Variants in HCK observed in about 807,000 individuals in gnomAD.
HCK encodes HCK proto-oncogene, Src family tyrosine kinase, also known as tyrosine-protein kinase HCK.
In HCK, 40 loss-of-function variants were observed where a neutral mutation model predicts 70.4. The ratio of observed to expected loss-of-function variants is 0.57; its 90% confidence interval spans 0.44 to 0.74. The LOEUF is 0.74. Ranked by LOEUF, HCK falls within the 30% of genes least tolerant of loss-of-function variation. The probability of loss-of-function intolerance (pLI) is 0.00; values close to 1 mark genes in which losing one functional copy is unlikely to be tolerated. For missense variants in HCK, 568 were observed against 697.2 expected, an observed-to-expected ratio of 0.81 and a Z score of 2.09; for synonymous variants, 245 against 263.2, an observed-to-expected ratio of 0.93 and a Z score of 0.67.
intron 5 of HCK, 143 bp downstream of exon 5, chr20:32,074,864 C>A: frequency 1.6e-6 from 1 of 619,798 alleles, no homozygotes; most frequent in Admixed American, 2.6e-5. Flanking sequence ...CCTTCTCTTC[C>A]TTCAGGTTTC....
At chr20:32,064,512 A>G (rs2045428210) in intron 1 of HCK, among the ~76,000 whole-genome samples, 1 of 152,198 alleles carries the variant, frequency 6.6e-6, no homozygotes, top group African/African-American at 2.4e-5. Flanking sequence ...AGAACTTCTA[A>G]TCCAACATCT....
intron 11 of HCK, among the ~76,000 whole-genome samples, chr20:32,094,793 GAAAGAAAGAA>G (rs1210819436): frequency 0.01 from 200 of 19,638 alleles, 4 homozygotes; most frequent in South Asian, 0.034. Context: ...GAAAGAGAAA[GAAAGAAAGAA>G]AGAAAGAAAG....
At chr20:32,061,198 G>A (rs545020716) in intron 1 of HCK, among the ~76,000 whole-genome samples, 6 of 152,206 alleles carry the variant, frequency 3.9e-5, no homozygotes, top group East Asian at 3.9e-4. Flanking sequence ...TGGCCAGGCT[G>A]GTCTTGAACT....
chr20:32,101,654 G>T lies in HCK; in HGVS notation c.*135G>T. 1 of 653,210 alleles carries T rather than the reference G, an allele frequency of 1.5e-6. No individual in the cohort carries two copies. The highest frequency in any genetic ancestry group is 2.6e-6 in the Non-Finnish European group (1 of 384,626). The allele number at this position is 653,210 out of a possible 1,614,324, so 40.5% of individuals were successfully genotyped here. A position where few individuals can be genotyped will look rare whatever the true frequency, so the allele number is the denominator to read the frequency against. On this transcript the variant is annotated 3_prime_UTR_variant, in exon 13 of 13. Coordinates refer to ENST00000375852, the MANE Select transcript of HCK (RefSeq NM_002110.5). ...CGCTTCAGCCACAGTTTCCTCATCT[G>T]TCCAGTGGGTAGGTTGGACTGGAAA...
At chr20:32,053,614 G>A (rs1370734079) in intron 1 of HCK, among the ~76,000 whole-genome samples, 4 of 137,586 alleles carry the variant, frequency 2.9e-5, no homozygotes, top group Admixed American at 1.6e-4. Context: ...CTCCAGCCTG[G>A]GCGACAGAGA....
chr20:32,054,137 T>A (rs2045227503), intron 1 of HCK: 2 of 431,386 alleles, frequency 4.6e-6, no homozygotes, highest in Non-Finnish European at 9.3e-6. Context: ...TTTAAAAAAT[T>A]AATTTACTAA....
chr20:32,074,777 T>C, intron 5 of HCK, 56 bp downstream of exon 5: 5 of 1,275,660 alleles, frequency 3.9e-6, no homozygotes, highest in South Asian at 2.4e-5. Flanking sequence ...CCAGCCTTGT[T>C]TGCAACTCAG....
intron 1 of HCK, among the ~76,000 whole-genome samples, chr20:32,057,133 G>A (rs2045284636): frequency 6.6e-6 from 1 of 152,240 alleles, no homozygotes; most frequent in Non-Finnish European, 1.5e-5. Flanking sequence ...GTGCTCTTCA[G>A]ACAACCTCAG....
intron 6 of HCK, among the ~76,000 whole-genome samples, chr20:32,081,277 C>T (rs776669153): frequency 2.6e-5 from 4 of 152,134 alleles, no homozygotes; most frequent in African/African-American, 4.8e-5. Flanking sequence ...TGACCAGCTT[C>T]CTGGAATTTC....
intron 1 of HCK, among the ~76,000 whole-genome samples, chr20:32,069,380 G>A (rs1016446676): frequency 1.2e-4 from 19 of 152,220 alleles, no homozygotes; most frequent in Non-Finnish European, 2.2e-4. Flanking sequence ...ACTCACAGCT[G>A]CAGATCAGTG....
intron 8 of HCK, 50 bp downstream of exon 8, chr20:32,084,593 G>A: frequency 6.5e-7 from 1 of 1,536,538 alleles, no homozygotes. Flanking sequence ...GAGGGGAGAG[G>A]GAGGCCACTT....
chr20:32,071,568 C>A, intron 1 of HCK, 94 bp from the exon 2 acceptor site: 1 of 1,526,800 alleles, frequency 6.5e-7, no homozygotes, highest in South Asian at 1.2e-5. Context: ...TGGGAGCCAG[C>A]CCGGGGGCAG....
At chr20:32,094,784 AAAG>A (rs1198499238) in intron 11 of HCK, among the ~76,000 whole-genome samples, 68 of 90,116 alleles carry the variant, frequency 7.5e-4, no homozygotes, top group South Asian at 1.2e-3. Context: ...AAAGAGAGAG[AAAG>A]AGAAAGAAAG....
intron 1 of HCK, 105 bp from the exon 2 acceptor site, chr20:32,071,557 G>C (rs540864576): frequency 6.8e-7 from 1 of 1,460,922 alleles, no homozygotes; most frequent in South Asian, 1.3e-5. Context: ...GGGAAGGCCA[G>C]TGGGAGCCAG....
intron 1 of HCK, among the ~76,000 whole-genome samples, chr20:32,053,444 C>A (rs2045212594): frequency 6.6e-6 from 1 of 151,748 alleles, no homozygotes; most frequent in African/African-American, 2.4e-5. Context: ...TTGAGACCAG[C>A]CTGGCCAACA....
intron 1 of HCK, chr20:32,069,647 C>A: frequency 2.1e-6 from 1 of 486,390 alleles, no homozygotes; most frequent in Non-Finnish European, 3.8e-6. Flanking sequence ...TGATCCAGCA[C>A]TCCAAGAGTC....
In HCK at chr20:32,099,145, G is replaced by A; in HGVS notation, c.1378+10G>A. On this transcript the variant is annotated intron_variant, in intron 12 of 12. Transcript: ENST00000375852. ...CGGATCCCTTACCCAGGTAGGGAAG[G>A]GGCATCAGCTCAGGGCTGCTACCAG... 6.2e-7 allele frequency: 1 copy of A among 1,613,554 alleles called. No individual in the cohort carries two copies. The highest frequency in any genetic ancestry group is 8.5e-7 in the Non-Finnish European group (1 of 1,179,626).
At chr20:32,073,241 G>C in intron 2 of HCK, 78 bp from the exon 3 acceptor site, 1 of 1,222,184 alleles carries the variant, frequency 8.2e-7, no homozygotes, top group Non-Finnish European at 1.2e-6. Flanking sequence ...GCTCTTGGGT[G>C]TCCTTCTCAA....
intron 8 of HCK, 56 bp from the exon 9 acceptor site, chr20:32,086,572 T>A (rs1182648572): frequency 1.4e-6 from 2 of 1,456,930 alleles, no homozygotes; most frequent in Non-Finnish European, 1.9e-6. Flanking sequence ...CCTTCTAGGG[T>A]GGTACGGGAG....
Sources: allele counts gnomAD v4.1 joint callset (sites outside exome capture counted in the v4.1 genomes callset), GRCh38; gene constraint gnomAD v4.1.1; transcripts MANE v1.5; gene names NCBI Gene and HGNC (gene_info 2026-07-23, HGNC 2026-07-21).